MTA3: variants seen among roughly 807,000 people sequenced by gnomAD.
MTA3 encodes metastasis associated 1 family member 3, also known as metastasis-associated protein MTA3.
A neutral mutation model predicts 83.5 loss-of-function variants in MTA3; 34 were observed. The ratio of observed to expected loss-of-function variants is 0.41; its 90% confidence interval spans 0.31 to 0.54. The LOEUF (loss-of-function observed/expected upper bound fraction) is 0.54. Ranked by LOEUF, MTA3 falls within the 20% of genes least tolerant of loss-of-function variation. MTA3 has a pLI of 0.33. For missense variants in MTA3, 761 were observed against 726.4 expected, an observed-to-expected ratio of 1.05 and a Z score of -0.55; for synonymous variants, 303 against 252.7, an observed-to-expected ratio of 1.20 and a Z score of -1.89.
intron 2 of MTA3, among the ~76,000 whole-genome samples, chr2:42,561,015 C>G (rs371859478): frequency 6.6e-6 from 1 of 152,128 alleles, no homozygotes; most frequent in African/African-American, 2.4e-5. Flanking sequence ...CATGGCCCAC[C>G]GGTCCCTATG....
chr2:42,508,497 A>G (rs1480328703), intron 2 of MTA3, among the ~76,000 whole-genome samples: 1 of 151,640 alleles, frequency 6.6e-6, no homozygotes, highest in African/African-American at 2.4e-5. Context: ...ATGCCCTGCT[A>G]ATTTTTTTTA....
At chr2:42,606,231 C>T (rs1489986543) in intron 3 of MTA3, among the ~76,000 whole-genome samples, 1 of 139,674 alleles carries the variant, frequency 7.2e-6, no homozygotes, top group African/African-American at 2.8e-5. Context: ...GACGGGGTGG[C>T]TGCCGGGCGG....
chr2:42,712,461 A>T (rs921918615), intron 14 of MTA3, among the ~76,000 whole-genome samples: 5 of 151,704 alleles, frequency 3.3e-5, no homozygotes, highest in African/African-American at 9.7e-5. Flanking sequence ...CGGTTAATTT[A>T]TTTTTTTTAG....
intron 2 of MTA3, among the ~76,000 whole-genome samples, chr2:42,550,105 T>C (rs567350537): frequency 6.6e-6 from 1 of 152,244 alleles, no homozygotes; most frequent in Admixed American, 6.6e-5. Context: ...GTGAAAGTTC[T>C]CAGCTTACTA....
intron 1 of MTA3, chr2:42,495,012 T>C (rs1043817210): frequency 6.6e-6 from 1 of 152,466 alleles, no homozygotes; most frequent in African/African-American, 2.4e-5. Context: ...GACAGGTGAG[T>C]TGTAAGGCGA....
At chr2:42,707,828 A>G (rs1666235926) in intron 12 of MTA3, 75 bp from the exon 13 acceptor site, 1 of 1,367,282 alleles carries the variant, frequency 7.3e-7, no homozygotes, top group Non-Finnish European at 9.8e-7. Context: ...TATTTTTAAA[A>G]TGTTTGATTA....
At chr2:42,670,152 G>A (rs990866837) in intron 8 of MTA3, among the ~76,000 whole-genome samples, 1 of 152,126 alleles carries the variant, frequency 6.6e-6, no homozygotes, top group Non-Finnish European at 1.5e-5. Context: ...CCAGCGACTT[G>A]GGAGGCTGAG....
chr2:42,695,779 A>C lies in MTA3; in HGVS notation c.906A>C (p.Ser302=). The change falls in exon 10 of 17, where the codon TCA becomes TCC. Residue 302 remains serine, a synonymous_variant. Transcript: ENST00000405094. ...DIRQDFLPWK[S]LTSIIEYYYM... The stretch of plus-strand genomic sequence containing the variant: ...TTTTTTTTCAGCTTCCTTGGAAATC[A>C]TTGACTAGCATCATTGAATATTATT... 1 of 1,563,550 alleles carries C rather than the reference A, an allele frequency of 6.4e-7. No homozygotes were observed. The highest frequency in any genetic ancestry group is 8.6e-7 in the Non-Finnish European group (1 of 1,156,608).
Position 42,547,632 on chromosome 2 carries a change from C to T in MTA3, c.-140-22805C>T, listed in dbSNP as rs374437355. ...AGGCGTCAACCCCCGCGCCTGGAGGCATTTGTCTTATTTGAACACTCAGCA... is the reference window on the plus strand; with the variant it reads ...AGGCGTCAACCCCCGCGCCTGGAGGTATTTGTCTTATTTGAACACTCAGCA... On this transcript the variant is annotated intron_variant, in intron 2 of 17. Coordinates refer to the MTA3 transcript ENST00000405592. Among the ~76,000 whole-genome samples, 3 of 152,320 alleles carry T rather than the reference C, an allele frequency of 2.0e-5. No individual in the cohort carries two copies. The East Asian group carries it at 5.8e-4, about 29-fold the overall frequency.
At chr2:42,538,158 G>A (rs957240399) in intron 2 of MTA3, among the ~76,000 whole-genome samples, 5 of 152,124 alleles carry the variant, frequency 3.3e-5, no homozygotes, top group African/African-American at 1.2e-4. Context: ...GCGTGAACCC[G>A]GGAGGTGGAG....
chr2:42,637,530 C>G (rs1451741754), intron 4 of MTA3, among the ~76,000 whole-genome samples: 2 of 152,124 alleles, frequency 1.3e-5, no homozygotes, highest in Non-Finnish European at 2.9e-5. Flanking sequence ...TCTTTTTAAA[C>G]CACTTTTATC....
Position 42,536,931 on chromosome 2 carries a change from C to T in MTA3, c.-140-33506C>T, listed in dbSNP as rs80035485. ...ATGTTTGACCCCAACACAGGTATCC[C>T]GGATCACCTGGGTGTAAGGAAAAAA... is the stretch of plus-strand genomic sequence containing the variant. On this transcript the variant is annotated intron_variant, in intron 2 of 17. Transcript: ENST00000405592. Among the ~76,000 whole-genome samples, 471 of 151,290 alleles carry T rather than the reference C, an allele frequency of 3.1e-3. 2 individuals carry two copies. The highest frequency in any genetic ancestry group is 0.011 in the African/African-American group (453 of 41,192).
chr2:42,597,117 G>A (rs1026278876), intron 3 of MTA3, among the ~76,000 whole-genome samples: 1 of 151,766 alleles, frequency 6.6e-6, no homozygotes, highest in Non-Finnish European at 1.5e-5. Flanking sequence ...TCACCTTGTT[G>A]TCCAGGCGGG....
chr2:42,720,442 G>T (rs1015450624), intron 15 of MTA3, among the ~76,000 whole-genome samples: 1 of 151,994 alleles, frequency 6.6e-6, no homozygotes, highest in Admixed American at 6.5e-5. Flanking sequence ...CGGCCTCCCA[G>T]AGTGCTGGGA....
At chr2:42,620,373 G>A (rs1056002334) in intron 4 of MTA3, among the ~76,000 whole-genome samples, 1 of 152,014 alleles carries the variant, frequency 6.6e-6, no homozygotes, top group Non-Finnish European at 1.5e-5. Flanking sequence ...ACCTGCCTTG[G>A]CCTCCCAAAG....
chr2:42,617,740 C>T (rs540532471), intron 4 of MTA3, among the ~76,000 whole-genome samples: 1 of 151,746 alleles, frequency 6.6e-6, no homozygotes, highest in Non-Finnish European at 1.5e-5. Flanking sequence ...TGTACCATTT[C>T]ACTCCAGCCT....
chr2:42,677,774 G>C (rs1691517356), intron 8 of MTA3, among the ~76,000 whole-genome samples: 1 of 152,160 alleles, frequency 6.6e-6, no homozygotes, highest in African/African-American at 2.4e-5. Flanking sequence ...ATGTGGAACT[G>C]TAAGTCCAAT....
At chr2:42,689,658 T>C (rs546341172) in intron 9 of MTA3, among the ~76,000 whole-genome samples, 19 of 152,322 alleles carry the variant, frequency 1.2e-4, no homozygotes, top group African/African-American at 4.6e-4. Context: ...TAGTTTACTA[T>C]TATAAAGATG....
At chr2:42,751,131 G>A (rs1310409080) in intron 16 of MTA3, among the ~76,000 whole-genome samples, 5 of 152,210 alleles carry the variant, frequency 3.3e-5, no homozygotes, top group Admixed American at 1.3e-4. Flanking sequence ...TAACTCAGAA[G>A]CCACCAGCTA....
Sources: allele counts gnomAD v4.1 joint callset (sites outside exome capture counted in the v4.1 genomes callset), GRCh38; gene constraint gnomAD v4.1.1; transcripts MANE v1.5; gene names NCBI Gene and HGNC (gene_info 2026-07-23, HGNC 2026-07-21).